CSMD1: variants seen among roughly 807,000 people sequenced by gnomAD.
CSMD1 encodes the protein CUB and Sushi multiple domains 1.
CSMD1 carries 213 observed loss-of-function variants against 417.5 expected under a neutral mutation model. The ratio of observed to expected loss-of-function variants is 0.51; its 90% CI spans 0.46 to 0.57. CSMD1 has a LOEUF of 0.57. Among genes scored for constraint, CSMD1 ranks in the 20% least tolerant of loss-of-function variants. The pLI is 0.00. For synonymous variants in CSMD1, 2,862 were observed against 1,736.8 expected, an observed-to-expected ratio of 1.65 and a Z score of -16.11; for missense variants, 6,923 against 4,529.7, an observed-to-expected ratio of 1.53 and a Z score of -15.17.
intron 3 of CSMD1, among the ~76,000 whole-genome samples, chr8:4,245,340 G>A (rs1700103): frequency 0.032 from 4,874 of 152,298 alleles, 87 homozygotes; most frequent in Middle Eastern, 0.078. Flanking sequence ...GCTGCAGAGG[G>A]TTGGGGTGGG....
At chr8:4,805,393 A>G (rs1798530425) in intron 1 of CSMD1, among the ~76,000 whole-genome samples, 1 of 152,162 alleles carries the variant, frequency 6.6e-6, no homozygotes, top group African/African-American at 2.4e-5. Flanking sequence ...CTAATGTGAT[A>G]AATTATTTCT....
At chr8:3,123,317 C>G (rs1175862804) in intron 41 of CSMD1, among the ~76,000 whole-genome samples, 1 of 152,164 alleles carries the variant, frequency 6.6e-6, no homozygotes, top group African/African-American at 2.4e-5. Context: ...CAAAAACAGC[C>G]TTTTCTTGAA....
chr8:4,280,991 G>C (rs1202402791), intron 3 of CSMD1, among the ~76,000 whole-genome samples: 5 of 152,108 alleles, frequency 3.3e-5, no homozygotes, highest in African/African-American at 9.7e-5. Flanking sequence ...TAAAGTAGTG[G>C]TTTTTAAATG....
chr8:4,721,557 G>C (rs1412726756), intron 1 of CSMD1, among the ~76,000 whole-genome samples: 1 of 152,102 alleles, frequency 6.6e-6, no homozygotes, highest in Admixed American at 6.6e-5. Context: ...AACAATGAAA[G>C]ATAAATGTTG....
intron 5 of CSMD1, among the ~76,000 whole-genome samples, chr8:3,844,724 T>A (rs1803374844): frequency 6.6e-6 from 1 of 152,192 alleles, no homozygotes; most frequent in Non-Finnish European, 1.5e-5. Flanking sequence ...TAAACTGAAA[T>A]ACAGATCTTC....
At chr8:3,640,263 C>T (rs1240007087) in intron 7 of CSMD1, among the ~76,000 whole-genome samples, 1 of 152,174 alleles carries the variant, frequency 6.6e-6, no homozygotes, top group Non-Finnish European at 1.5e-5. Flanking sequence ...AATAAATTCA[C>T]TGAGGTAATG....
chr8:3,108,716 C>T lies in CSMD1; in HGVS notation c.6641G>A (p.Gly2214Glu). 1 of 1,613,454 alleles carries T rather than the reference C, an allele frequency of 6.2e-7. No individual in the cohort carries two copies. The highest frequency in any genetic ancestry group is 8.5e-7 in the Non-Finnish European group (1 of 1,179,674). Residue 2214 changes from glycine to glutamate, a missense_variant, in exon 44 of 70, where the codon GGA becomes GAA. By Grantham distance (98) the Gly-to-Glu change is moderately conservative. Transcript: ENST00000635120. ...DGPDQNSPQLGVFSGNTALET... is the reference protein window; with the variant it reads ...DGPDQNSPQLEVFSGNTALET... Reference sequence around the variant, plus strand: ...GAGGGCTGTGTTGCCACTGAAAACTCCCAGCTGGGGTGAGTTCTGATCGGG... The same window carrying T: ...GAGGGCTGTGTTGCCACTGAAAACTTCCAGCTGGGGTGAGTTCTGATCGGG...
At position 4,433,655 on chromosome 8, in the gene CSMD1, A is replaced by C. The variant is rs148636283; in HGVS notation, c.303-13590T>G. On this transcript the variant is annotated intron_variant, in intron 2 of 69. Coordinates refer to ENST00000635120, the MANE Select transcript of CSMD1 (RefSeq NM_033225.6). ...TTATGCTCAAATCTGCCCTTGTCTG[A>C]AAGAGCTACACTCTCCCACTTGCAG... Among the ~76,000 whole-genome samples the C allele has an allele frequency of 5.5e-4, 84 of 152,302 alleles. 1 individual carries two copies. Among genetic ancestry groups the C allele is most frequent in the East Asian group, 5.4e-3 (28 of 5,176 alleles).
At chr8:4,246,894 G>A (rs907333596) in intron 3 of CSMD1, among the ~76,000 whole-genome samples, 24 of 152,150 alleles carry the variant, frequency 1.6e-4, no homozygotes, top group African/African-American at 4.6e-4. Context: ...CACTTTTTCC[G>A]TGCATAAATG....
chr8:4,903,724 G>T (rs569636001), intron 1 of CSMD1, among the ~76,000 whole-genome samples: 4 of 152,182 alleles, frequency 2.6e-5, no homozygotes, highest in Admixed American at 2.6e-4. Flanking sequence ...GAGCAACACA[G>T]ATGAAGCAGT....
intron 1 of CSMD1, among the ~76,000 whole-genome samples, chr8:4,668,415 CATTATTATTATTATTATTATTATT>C (rs35735246): frequency 1.5e-4 from 20 of 129,994 alleles, no homozygotes; most frequent in African/African-American, 4.0e-4. Flanking sequence ...TGATGTTTTC[CATTATTATTATTATTATTATTATT>C]ATTATTATTA....
chr8:3,661,628 T>C (rs1798423555), intron 7 of CSMD1, among the ~76,000 whole-genome samples: 1 of 152,092 alleles, frequency 6.6e-6, no homozygotes, highest in African/African-American at 2.4e-5. Context: ...TCCCAAGTAG[T>C]TGGCATTACA....
intron 20 of CSMD1, among the ~76,000 whole-genome samples, chr8:3,364,903 C>G (rs187408776): frequency 3.9e-5 from 6 of 152,144 alleles, no homozygotes; most frequent in African/African-American, 7.2e-5. Context: ...TACTGTCAGA[C>G]CTGTGGTGAG....
chr8:4,035,322 C>G (rs1395573288), intron 3 of CSMD1, among the ~76,000 whole-genome samples: 1 of 152,138 alleles, frequency 6.6e-6, no homozygotes, highest in Non-Finnish European at 1.5e-5. Flanking sequence ...TAATAGTGAA[C>G]AACTGTCACT....
At chr8:4,815,694 CAAAAAA>C (rs1218931391) in intron 1 of CSMD1, among the ~76,000 whole-genome samples, 1 of 67,634 alleles carries the variant, frequency 1.5e-5, no homozygotes, top group African/African-American at 5.3e-5. Context: ...AAAGCTGTCT[CAAAAAA>C]AAAAAAAAAA....
At chr8:4,203,494 G>T (rs918309013) in intron 3 of CSMD1, among the ~76,000 whole-genome samples, 3 of 152,066 alleles carry the variant, frequency 2.0e-5, no homozygotes, top group African/African-American at 7.2e-5. Flanking sequence ...GTTTATTCTC[G>T]ATGAGCAAAC....
intron 3 of CSMD1, among the ~76,000 whole-genome samples, chr8:4,335,087 A>G (rs1800092613): frequency 1.3e-5 from 2 of 152,128 alleles, no homozygotes; most frequent in Admixed American, 1.3e-4. Context: ...CTTTGTGTAG[A>G]GACAGAGCCA....
At chr8:4,244,134 G>A (rs1002474300) in intron 3 of CSMD1, among the ~76,000 whole-genome samples, 1 of 152,174 alleles carries the variant, frequency 6.6e-6, no homozygotes, top group Non-Finnish European at 1.5e-5. Context: ...GTTTCGCGCA[G>A]CACAAGTAGA....
rs1051888498 is a variant in CSMD1 at position 4,566,614 on chromosome 8, C to T, written c.302+70728G>A. 2.4e-5 allele frequency among the ~76,000 whole-genome samples: 3 copies of T among 126,826 alleles called. No homozygotes were observed. The East Asian group carries it at 7.4e-4, about 31-fold the overall frequency. 83.2% of individuals were successfully genotyped at this position (126,826 alleles called of 152,430 possible). A position where few individuals can be genotyped will look rare whatever the true frequency, so the allele number is the denominator to read the frequency against. ...CTTGCAGTGAGCTGAGATCGCACCA[C>T]TGCACTCCAGCCTGGGTGACAGAGG... On this transcript the variant is annotated intron_variant, in intron 2 of 69. Coordinates refer to ENST00000635120, the MANE Select transcript of CSMD1 (RefSeq NM_033225.6).
Sources: allele counts gnomAD v4.1 joint callset (sites outside exome capture counted in the v4.1 genomes callset), GRCh38; gene constraint gnomAD v4.1.1; transcripts MANE v1.5; gene names NCBI Gene and HGNC (gene_info 2026-07-23, HGNC 2026-07-21).